FAM13B: variants seen among roughly 807,000 people sequenced by gnomAD.
FAM13B encodes the protein protein FAM13B.
FAM13B carries 60 observed loss-of-function variants against 117.3 expected under a neutral mutation model. That is an observed-to-expected ratio of 0.51 (90% CI 0.42 to 0.63). The LOEUF is 0.63. Ranked by LOEUF, FAM13B falls within the 30% of genes least tolerant of loss-of-function variation. The pLI is 0.00. For synonymous variants in FAM13B, 332 were observed against 356.1 expected (o/e 0.93, Z 0.76); for missense variants, 972 against 1,091.9 (o/e 0.89, Z 1.55).
At chr5:138,050,954 TA>T (rs2151134423) in intron 1 of FAM13B, among the ~76,000 whole-genome samples, 1 of 152,182 alleles carries the variant, frequency 6.6e-6, no homozygotes, top group East Asian at 1.9e-4. Flanking sequence ...CCAAAAATTA[TA>T]ATACATAGTC....
intron 18 of FAM13B, 31 bp from the exon 19 acceptor site, chr5:137,946,342 C>CAAAAAAAAAAAAAACAA: frequency 1.1e-6 from 1 of 919,182 alleles, no homozygotes; most frequent in Non-Finnish European, 1.5e-6. Context: ...TAACAAAATA[C>CAAAAAAAAAAAAAACAA]AAAAAAAAAA....
chr5:138,016,636 AAAC>A (rs1432704642), intron 4 of FAM13B, among the ~76,000 whole-genome samples: 10 of 152,342 alleles, frequency 6.6e-5, no homozygotes, highest in South Asian at 6.2e-4. Context: ...CATTTCAAAA[AAAC>A]AACAACAACG....
upstream of FAM13B, chr5:138,036,260 G>A (rs766574766): frequency 4.7e-5 from 17 of 363,910 alleles, no homozygotes; most frequent in Non-Finnish European, 9.3e-5. Flanking sequence ...TGGAAGCAAA[G>A]CGTCTGGACG....
intron 7 of FAM13B, among the ~76,000 whole-genome samples, chr5:137,997,001 G>A (rs551118155): frequency 5.9e-5 from 9 of 152,228 alleles, no homozygotes; most frequent in African/African-American, 2.2e-4. Context: ...TCTTAAGCAT[G>A]AGCATAAATT....
chr5:137,942,319 C>A (rs113911658), intron 22 of FAM13B: 8 of 407,170 alleles, frequency 2.0e-5, no homozygotes, highest in African/African-American at 1.2e-4. Flanking sequence ...GATCAACTCG[C>A]AACTAGTTCC....
intron 10 of FAM13B, among the ~76,000 whole-genome samples, chr5:137,976,419 C>A (rs1774018676): frequency 6.6e-6 from 1 of 152,136 alleles, no homozygotes; most frequent in South Asian, 2.1e-4. Flanking sequence ...AATAAATTTT[C>A]TTTAATTGGA....
intron 10 of FAM13B, among the ~76,000 whole-genome samples, chr5:137,980,176 G>GAAAA (rs528372296): frequency 8.8e-6 from 1 of 114,012 alleles, no homozygotes; most frequent in Non-Finnish European, 1.8e-5. Context: ...TCCGTCTCAA[G>GAAAA]AAAAAAAAAA....
chr5:137,990,321 T>C (rs1581189261), intron 7 of FAM13B, among the ~76,000 whole-genome samples: 1 of 152,238 alleles, frequency 6.6e-6, no homozygotes, highest in African/African-American at 2.4e-5. Context: ...AATCTATAAA[T>C]TGAACACTCT....
At chr5:138,036,310 A>G (rs1314084974), upstream of FAM13B, 1 of 435,454 alleles carries the variant, frequency 2.3e-6, no homozygotes, top group Non-Finnish European at 4.7e-6. Flanking sequence ...GTGTTAGCCT[A>G]GTGACAGCTC....
chr5:137,940,176 T>C lies in FAM13B; in HGVS notation c.*49A>G. On this transcript the variant is annotated 3_prime_UTR_variant, in exon 24 of 24. Coordinates refer to ENST00000689681, the MANE Select transcript of FAM13B (RefSeq NM_001385994.1). ...CCAGCCAAGTACACACGATGATAGC[T>C]TCAAGGAATACAACTGACTTTATGA... 1 of 1,613,610 alleles carries C rather than the reference T, an allele frequency of 6.2e-7. No homozygotes were observed.
At chr5:138,020,016 T>C in intron 2 of FAM13B, 3 of 979,588 alleles carry the variant, frequency 3.1e-6, no homozygotes, top group Non-Finnish European at 3.6e-6. Context: ...TTTTCATTTC[T>C]GGACATCAAC....
intron 7 of FAM13B, among the ~76,000 whole-genome samples, chr5:138,006,781 A>T (rs1782670134): frequency 6.6e-6 from 1 of 152,250 alleles, no homozygotes; most frequent in Admixed American, 6.5e-5. Flanking sequence ...AATATTTGTA[A>T]GAAGTTATGT....
chr5:137,948,626 C>T (rs1764079726), intron 18 of FAM13B, among the ~76,000 whole-genome samples: 1 of 152,128 alleles, frequency 6.6e-6, no homozygotes, highest in African/African-American at 2.4e-5. Flanking sequence ...AACTCCTGGG[C>T]TCAGGCAATC....
intron 11 of FAM13B, among the ~76,000 whole-genome samples, chr5:137,961,973 T>C (rs1041534481): frequency 1.2e-4 from 18 of 152,210 alleles, no homozygotes; most frequent in Non-Finnish European, 8.8e-5. Context: ...CCTAAGAGTG[T>C]ACTGAGACAC....
intron 10 of FAM13B, among the ~76,000 whole-genome samples, chr5:137,973,034 C>A (rs1287079670): frequency 6.6e-6 from 1 of 152,042 alleles, no homozygotes; most frequent in Non-Finnish European, 1.5e-5. Flanking sequence ...CCATACTGCC[C>A]AAGGTAATTT....
intron 23 of FAM13B, among the ~76,000 whole-genome samples, chr5:137,941,095 A>G (rs1761634940): frequency 6.6e-6 from 1 of 151,992 alleles, no homozygotes; most frequent in Non-Finnish European, 1.5e-5. Flanking sequence ...TTTTCGGTAG[A>G]GACAGGGTTT....
chr5:137,942,185 G>T (rs1326768575), intron 22 of FAM13B, 140 bp from the exon 23 acceptor site: 1 of 656,044 alleles, frequency 1.5e-6, no homozygotes, highest in Non-Finnish European at 2.6e-6. Flanking sequence ...GCAAACCAAT[G>T]AAATCAGAAT....
At chr5:137,989,264 G>C (rs567001925) in intron 7 of FAM13B, among the ~76,000 whole-genome samples, 1 of 152,334 alleles carries the variant, frequency 6.6e-6, no homozygotes, top group African/African-American at 2.4e-5. Flanking sequence ...AGTTAGTATT[G>C]TCAGGATCCA....
At position 137,946,256 on chromosome 5, in the gene FAM13B, A is replaced by G. The variant is rs1425988533; in HGVS notation, c.2216T>C (p.Leu739Pro). ...CCTTCCATGTTGACTTTCATAGTAA[A>G]GAAGACTTTTCTGAAGAGAAGCTTT... is the stretch of plus-strand genomic sequence containing the variant. ...EEKASLQKSL[L>P]YYESQHGRPV... The change falls in exon 19 of 24, where the codon CTT becomes CCT. Residue 739 changes from leucine (L) to proline (P), a missense_variant. Coordinates refer to ENST00000689681, the MANE Select transcript of FAM13B (RefSeq NM_001385994.1). 2 of 1,593,154 alleles carry G rather than the reference A, an allele frequency of 1.3e-6. No homozygotes were observed. Among genetic ancestry groups the G allele is most frequent in the African/African-American group, 1.4e-5 (1 of 73,746 alleles).
Sources: gnomAD v4.1 joint callset for allele counts (sites outside exome capture counted in the v4.1 genomes callset) on GRCh38, gnomAD v4.1.1 for gene constraint, MANE v1.5 for transcripts, NCBI Gene and HGNC (gene_info 2026-07-23, HGNC 2026-07-21) for gene names.